RAP1GAP: variants seen among roughly 807,000 people sequenced by gnomAD.
RAP1GAP encodes the protein RAP1 GTPase activating protein, also known as rap1 GTPase-activating protein 1.
RAP1GAP carries 35 observed loss-of-function variants against 87.2 expected under a neutral mutation model. The ratio of observed to expected loss-of-function variants is 0.40; its 90% CI spans 0.31 to 0.53. The LOEUF (loss-of-function observed/expected upper bound fraction) is 0.53, where lower values mean the gene tolerates loss of function less well. RAP1GAP is among the 20% of genes least tolerant of loss of function. The pLI, the probability that RAP1GAP is intolerant of heterozygous loss-of-function variation, is 0.48. For missense variants in RAP1GAP, 734 were observed against 898.9 expected (o/e 0.82, Z 2.35); for synonymous variants, 375 against 363.9 (o/e 1.03, Z -0.35).
intron 18 of RAP1GAP, among the ~76,000 whole-genome samples, chr1:21,605,602 A>C (rs1323371037): frequency 1.3e-5 from 2 of 152,068 alleles, no homozygotes; most frequent in Non-Finnish European, 2.9e-5. Context: ...AGATGCTCAC[A>C]GAGTGCATGT....
At chr1:21,638,160 A>G (rs1225959075) in intron 2 of RAP1GAP, among the ~76,000 whole-genome samples, 2 of 147,898 alleles carry the variant, frequency 1.4e-5, no homozygotes, top group East Asian at 2.0e-4. Context: ...AAAAAAAAAA[A>G]AAGAAAAGAA....
rs997556278 is a variant in RAP1GAP, at chr1:21,669,186, G to C, written c.-149+68C>G. The C allele has an allele frequency of 1.3e-5, 16 of 1,226,432 alleles. No homozygotes were observed. Among genetic ancestry groups the C allele is most frequent in the Middle Eastern group, 2.9e-4 (1 of 3,442 alleles). 76.0% of individuals were successfully genotyped at this position (1,226,432 alleles called of 1,614,324 possible). On this transcript the variant is annotated intron_variant, in intron 1 of 24. Coordinates refer to ENST00000374765, the MANE Select transcript of RAP1GAP (RefSeq NM_002885.4). This position sits in a 1 kb window ranked among gnomAD's most constrained non-coding sequence, Gnocchi z 5.6. Reference sequence around the variant, plus strand: ...CCGCGCGGGGTCTTCGCTGCGAGCCGACGGGAGTCTGGACACCTCTGTCCC... The same window carrying C: ...CCGCGCGGGGTCTTCGCTGCGAGCCCACGGGAGTCTGGACACCTCTGTCCC...
At chr1:21,602,727 C>A in intron 19 of RAP1GAP, 77 bp downstream of exon 19, 1 of 1,329,500 alleles carries the variant, frequency 7.5e-7, no homozygotes, top group East Asian at 2.5e-5. Flanking sequence ...CTCCCTTCTG[C>A]CTGCCTTGCT....
intron 18 of RAP1GAP, among the ~76,000 whole-genome samples, 177 bp downstream of exon 18, chr1:21,605,889 G>A (rs2074142728): frequency 6.6e-6 from 1 of 152,246 alleles, no homozygotes; most frequent in Non-Finnish European, 1.5e-5. Flanking sequence ...CAGTGTCCTG[G>A]CCTGGGCACT....
At chr1:21,631,699 CAAAAACA>C (rs755209155) in intron 2 of RAP1GAP, among the ~76,000 whole-genome samples, 84 of 152,140 alleles carry the variant, frequency 5.5e-4, no homozygotes, top group Non-Finnish European at 9.7e-4. Context: ...AAAACAAAAA[CAAAAACA>C]AAAAACAAAA....
intron 2 of RAP1GAP, 106 bp downstream of exon 2, chr1:21,649,655 G>A (rs945200412): frequency 6.8e-6 from 9 of 1,323,338 alleles, no homozygotes; most frequent in Non-Finnish European, 9.5e-6. Context: ...ATGGTTGGAA[G>A]CTTGGTAAGG....
At chr1:21,648,341 C>T (rs4654975) in intron 2 of RAP1GAP, among the ~76,000 whole-genome samples, 97,007 of 151,996 alleles carry the variant, frequency 0.64, 30,990 homozygotes, top group Middle Eastern at 0.75. Flanking sequence ...TTCCCTCAAG[C>T]GCATCCTTCG....
At chr1:21,649,624 C>T in intron 2 of RAP1GAP, 137 bp downstream of exon 2, 2 of 1,010,858 alleles carry the variant, frequency 2.0e-6, no homozygotes, top group Non-Finnish European at 3.0e-6. Flanking sequence ...GAGGGTCTGC[C>T]CACCCCCTTG....
chr1:21,653,584 C>T (rs547402381), intron 1 of RAP1GAP, among the ~76,000 whole-genome samples: 17 of 124,202 alleles, frequency 1.4e-4, no homozygotes, highest in South Asian at 2.6e-4. Context: ...TCCTTCCTTC[C>T]TTCCTTCCTC....
chr1:21,659,304 G>C (rs1324307493), intron 1 of RAP1GAP, among the ~76,000 whole-genome samples: 1 of 152,208 alleles, frequency 6.6e-6, no homozygotes, highest in Non-Finnish European at 1.5e-5. Context: ...GGCGACGGCC[G>C]CCCGGGCTCC....
chr1:21,662,093 C>T (rs1408010294), intron 1 of RAP1GAP, among the ~76,000 whole-genome samples: 1 of 152,232 alleles, frequency 6.6e-6, no homozygotes, highest in Admixed American at 6.5e-5. Flanking sequence ...ACCAGCCCCA[C>T]TCCAATGCAG....
At chr1:21,642,524 C>T (rs1208416932) in intron 2 of RAP1GAP, among the ~76,000 whole-genome samples, 4 of 152,192 alleles carry the variant, frequency 2.6e-5, no homozygotes, top group Non-Finnish European at 5.9e-5. Context: ...ACTCTGGCTC[C>T]AGGGCTTCCA....
In RAP1GAP at chr1:21,608,892, A is replaced by T; in HGVS notation, c.1116T>A (p.Ala372=). Residue 372 remains alanine (A), a synonymous_variant, in exon 16 of 25, where the codon GCT becomes GCA. Coordinates refer to ENST00000374765, the MANE Select transcript of RAP1GAP (RefSeq NM_002885.4). The part of the protein sequence containing the change: ...QEFLLTKLIN[A]EYACYKAEKF... ...TCTCTGCCTTGTAGCAGGCATATTC[A>T]GCATTGATCAGCTTTGTCAGCAAAA... 2 of 1,614,106 alleles carry T rather than the reference A, an allele frequency of 1.2e-6. No homozygotes were observed. The highest frequency in any genetic ancestry group is 1.7e-6 in the Non-Finnish European group (2 of 1,179,972).
intron 7 of RAP1GAP, among the ~76,000 whole-genome samples, chr1:21,616,504 T>A (rs1398099802): frequency 6.6e-6 from 1 of 152,150 alleles, no homozygotes; most frequent in Admixed American, 6.6e-5. Context: ...CACAAACAGT[T>A]AATGGAAGAG....
rs555834409 is a variant in RAP1GAP at position 21,613,540 on chromosome 1, T to C, written c.474+88A>G. ...GCAGGCCAGGGCTAGGGCCTACAGC[T>C]GAAGGGGACGCGCCAAGGCAAGCTG... On this transcript the variant is annotated intron_variant, in intron 9 of 24. Coordinates refer to ENST00000374765, the MANE Select transcript of RAP1GAP (RefSeq NM_002885.4). This position sits in a 1 kb window ranked among gnomAD's most constrained non-coding sequence, Gnocchi z 4.7. 7.9e-7 allele frequency: 1 copy of C among 1,267,698 alleles called. No individual in the cohort carries two copies. Among genetic ancestry groups the C allele is most frequent in the East Asian group, 2.3e-5 (1 of 43,276 alleles). 78.5% of individuals were successfully genotyped at this position (1,267,698 alleles called of 1,614,324 possible).
At chr1:21,630,050 C>G (rs995549665) in intron 2 of RAP1GAP, among the ~76,000 whole-genome samples, 9 of 152,156 alleles carry the variant, frequency 5.9e-5, no homozygotes, top group Admixed American at 3.3e-4. Flanking sequence ...TATGTGCAGG[C>G]TCTGCTCTAC....
chr1:21,665,528 T>A (rs942757254), intron 1 of RAP1GAP, among the ~76,000 whole-genome samples: 7 of 152,166 alleles, frequency 4.6e-5, no homozygotes, highest in Non-Finnish European at 8.8e-5. Flanking sequence ...AGGAGTATCA[T>A]GTTTTGCTTC....
intron 1 of RAP1GAP, among the ~76,000 whole-genome samples, chr1:21,666,435 C>T (rs2097350069): frequency 6.6e-6 from 1 of 152,220 alleles, no homozygotes; most frequent in Non-Finnish European, 1.5e-5. Context: ...ACCTGCAGAA[C>T]AACACCTTCA....
In RAP1GAP at chr1:21,668,428, C is replaced by G. The variant is rs774785342; in HGVS notation, c.-149+826G>C. The G allele has an allele frequency of 6.6e-6, 1 of 152,416 alleles. No individual in the cohort carries two copies. The highest frequency in any genetic ancestry group is 2.4e-5 in the African/African-American group (1 of 41,462). 9.4% of individuals were successfully genotyped at this position (152,416 alleles called of 1,614,324 possible). On this transcript the variant is annotated intron_variant, in intron 1 of 24. Transcript: ENST00000374765. This position sits in a 1 kb window ranked among gnomAD's most constrained non-coding sequence, Gnocchi z 6.2. ...GTGGATGTTCTTCCTGACCCCACCA[C>G]CGGGCCTGTGCTATGACCCCAACAA... is the stretch of plus-strand genomic sequence containing the variant.
Sources: allele counts gnomAD v4.1 joint callset (sites outside exome capture counted in the v4.1 genomes callset), GRCh38; gene constraint gnomAD v4.1.1; non-coding constraint Gnocchi (gnomAD v3.1); transcripts MANE v1.5; gene names NCBI Gene and HGNC (gene_info 2026-07-23, HGNC 2026-07-21).